MYRIP: variants seen among roughly 807,000 people sequenced by gnomAD.
MYRIP encodes the protein rab effector MyRIP.
Under a neutral mutation model 98.0 loss-of-function variants are expected in MYRIP, and 49 were observed. The ratio of observed to expected loss-of-function variants is 0.50; its 90% CI spans 0.40 to 0.63. The LOEUF (loss-of-function observed/expected upper bound fraction) is 0.63. Ranked by LOEUF, MYRIP falls within the 30% of genes least tolerant of loss-of-function variation. The probability of loss-of-function intolerance (pLI) is 0.00; values close to 1 mark genes in which losing one functional copy is unlikely to be tolerated. For missense variants in MYRIP, 1,004 were observed against 1,058.2 expected, an observed-to-expected ratio of 0.95 and a Z score of 0.71; for synonymous variants, 404 against 409.5, an observed-to-expected ratio of 0.99 and a Z score of 0.16.
At chr3:40,129,221 G>A (rs2125916802) in intron 3 of MYRIP, among the ~76,000 whole-genome samples, 1 of 151,564 alleles carries the variant, frequency 6.6e-6, no homozygotes, top group South Asian at 2.1e-4. Flanking sequence ...CAGATCACTT[G>A]AGCTCAGGAG....
At position 39,895,916 on chromosome 3, in the gene MYRIP, G is replaced by GGTGT. The variant is rs10577583; in HGVS notation, c.-30-4853_-30-4850dup. On this transcript the variant is annotated intron_variant, in intron 1 of 16. Transcript: ENST00000302541. Reference sequence around the variant, plus strand: ...GAGAAAAACTCGTGTGTGTGTGTGTGGTGTGTGTGTGTGTGTGTGTGCGCG... The same window carrying GGTGT: ...GAGAAAAACTCGTGTGTGTGTGTGTGGTGTGTGTGTGTGTGTGTGTGTGTGCGCG... 6.0e-5 allele frequency among the ~76,000 whole-genome samples: 9 copies of GGTGT among 150,036 alleles called. No homozygotes were observed. The Middle Eastern group carries it at 0.01, about 171-fold the overall frequency.
intron 2 of MYRIP, among the ~76,000 whole-genome samples, chr3:40,030,601 T>G (rs758476633): frequency 2.0e-5 from 3 of 152,156 alleles, no homozygotes; most frequent in Non-Finnish European, 2.9e-5. Flanking sequence ...AATGAATGGA[T>G]AAATAAAATG....
At chr3:39,828,039 G>A (rs1054209137) in intron 1 of MYRIP, among the ~76,000 whole-genome samples, 6 of 152,086 alleles carry the variant, frequency 3.9e-5, no homozygotes, top group Middle Eastern at 3.4e-3. Flanking sequence ...ACTTTTGACA[G>A]TTTGACTGTA....
intron 1 of MYRIP, among the ~76,000 whole-genome samples, chr3:39,871,199 A>G (rs1942779328): frequency 6.6e-6 from 1 of 152,222 alleles, no homozygotes; most frequent in African/African-American, 2.4e-5. Context: ...CCAAATAGGA[A>G]CATTATAGAA....
intron 1 of MYRIP, among the ~76,000 whole-genome samples, chr3:39,845,400 A>C (rs1353567030): frequency 1.3e-5 from 2 of 152,176 alleles, no homozygotes; most frequent in Non-Finnish European, 2.9e-5. Flanking sequence ...CTATTTATAT[A>C]CATTTTATTT....
chr3:40,136,960 C>T (rs1159091596), intron 3 of MYRIP, among the ~76,000 whole-genome samples: 1 of 152,116 alleles, frequency 6.6e-6, no homozygotes, highest in Non-Finnish European at 1.5e-5. Context: ...ACCCTAACAT[C>T]ACAATTAAAA....
At chr3:39,894,094 G>T (rs1287958270) in intron 1 of MYRIP, among the ~76,000 whole-genome samples, 1 of 151,944 alleles carries the variant, frequency 6.6e-6, no homozygotes, top group Non-Finnish European at 1.5e-5. Flanking sequence ...ATTTTTTTGT[G>T]ATTTTCTTTC....
At chr3:40,228,494 C>A (rs1341010542) in intron 11 of MYRIP, among the ~76,000 whole-genome samples, 1 of 152,128 alleles carries the variant, frequency 6.6e-6, no homozygotes, top group Non-Finnish European at 1.5e-5. Context: ...CTTCACAAGA[C>A]CCTAAAGTGG....
At chr3:40,032,484 G>A (rs1376957657) in intron 2 of MYRIP, among the ~76,000 whole-genome samples, 2 of 152,030 alleles carry the variant, frequency 1.3e-5, no homozygotes, top group African/African-American at 2.4e-5. Flanking sequence ...GTGTGGTGCT[G>A]AAAAAAATGT....
chr3:40,000,413 G>A (rs889350164), intron 2 of MYRIP, among the ~76,000 whole-genome samples: 12 of 152,086 alleles, frequency 7.9e-5, no homozygotes, highest in Admixed American at 5.9e-4. Flanking sequence ...CTCTCCCCAG[G>A]AAAGGTTCCT....
chr3:40,185,053 C>T (rs1950990406), intron 9 of MYRIP, among the ~76,000 whole-genome samples: 1 of 152,208 alleles, frequency 6.6e-6, no homozygotes, highest in South Asian at 2.1e-4. Flanking sequence ...TTCCTACAGG[C>T]ATTGCTCAAT....
At chr3:40,027,952 C>G (rs994657061) in intron 2 of MYRIP, among the ~76,000 whole-genome samples, 9 of 151,952 alleles carry the variant, frequency 5.9e-5, no homozygotes. Flanking sequence ...GATGAGTCAC[C>G]CTAGGGGGTC....
chr3:40,233,334 A>C (rs1457821417), intron 11 of MYRIP, among the ~76,000 whole-genome samples: 1 of 152,206 alleles, frequency 6.6e-6, no homozygotes, highest in Non-Finnish European at 1.5e-5. Context: ...AACCACAGAG[A>C]AATTCTTTCT....
At chr3:39,826,590 A>C (rs570307622) in intron 1 of MYRIP, among the ~76,000 whole-genome samples, 52 of 152,232 alleles carry the variant, frequency 3.4e-4, no homozygotes, top group Non-Finnish European at 4.3e-4. Context: ...GCCCTTGAGA[A>C]TGTTATATGC....
At chr3:39,999,502 G>A (rs1462456896) in intron 2 of MYRIP, among the ~76,000 whole-genome samples, 3 of 152,154 alleles carry the variant, frequency 2.0e-5, no homozygotes, top group Non-Finnish European at 4.4e-5. Context: ...TTAGAATGGT[G>A]ATCATTAAAA....
intron 3 of MYRIP, among the ~76,000 whole-genome samples, chr3:40,079,485 G>T (rs940093406): frequency 1.3e-5 from 2 of 152,190 alleles, no homozygotes; most frequent in Non-Finnish European, 2.9e-5. Context: ...TCACACCTCT[G>T]TCAGAGACAG....
intron 3 of MYRIP, among the ~76,000 whole-genome samples, chr3:40,148,249 T>C (rs895641184): frequency 7.2e-5 from 11 of 152,252 alleles, no homozygotes; most frequent in African/African-American, 2.7e-4. Flanking sequence ...TGTAGCAAGG[T>C]AGGTTTGTCT....
chr3:39,998,161 A>C (rs921633454), intron 2 of MYRIP, among the ~76,000 whole-genome samples: 5 of 152,198 alleles, frequency 3.3e-5, no homozygotes, highest in African/African-American at 1.2e-4. Context: ...CCTATTCAAC[A>C]TAGTGTTGGA....
chr3:40,042,294 A>T (rs866392101), intron 2 of MYRIP, among the ~76,000 whole-genome samples: 4,083 of 139,462 alleles, frequency 0.029, 115 homozygotes, highest in African/African-American at 0.076. Context: ...AGGATAAAAA[A>T]AAAAAAAAAA....
Sources: allele counts gnomAD v4.1 joint callset (sites outside exome capture counted in the v4.1 genomes callset), GRCh38; gene constraint gnomAD v4.1.1; transcripts MANE v1.5; gene names NCBI Gene and HGNC (gene_info 2026-07-23, HGNC 2026-07-21).